The following KCNH8 variants were observed in gnomAD, a reference collection of about 807,000 sequenced individuals.
KCNH8 encodes voltage-gated delayed rectifier potassium channel KCNH8.
A neutral mutation model predicts 103.6 loss-of-function variants in KCNH8; 70 were observed. That is an observed-to-expected ratio of 0.68 (90% confidence interval 0.56 to 0.82). The LOEUF is 0.82. Ranked by LOEUF, KCNH8 falls within the 40% of genes least tolerant of loss-of-function variation. The probability of loss-of-function intolerance (pLI) is 0.00; values close to 1 mark genes in which losing one functional copy is unlikely to be tolerated. For synonymous variants in KCNH8, 498 were observed against 489.4 expected (o/e 1.02, Z -0.23); for missense variants, 1,217 against 1,329.9 (o/e 0.92, Z 1.32).
At chr3:19,299,311 C>T (rs557835901) in intron 3 of KCNH8, among the ~76,000 whole-genome samples, 3 of 151,858 alleles carry the variant, frequency 2.0e-5, no homozygotes, top group East Asian at 3.9e-4. Flanking sequence ...TCTGGCCAGA[C>T]ACAGTGTCTG....
intron 3 of KCNH8, among the ~76,000 whole-genome samples, chr3:19,294,320 C>T (rs566373313): frequency 2.6e-5 from 4 of 152,216 alleles, no homozygotes; most frequent in South Asian, 2.1e-4. Flanking sequence ...ATATGTACTT[C>T]GAATATTTTA....
At chr3:19,321,336 T>C (rs186679132) in intron 3 of KCNH8, among the ~76,000 whole-genome samples, 284 of 152,196 alleles carry the variant, frequency 1.9e-3, no homozygotes, top group African/African-American at 6.4e-3. Flanking sequence ...TGAACTTTTC[T>C]CTTAGCACTG....
chr3:19,192,909 G>T (rs547846231), intron 1 of KCNH8, among the ~76,000 whole-genome samples: 2 of 151,534 alleles, frequency 1.3e-5, no homozygotes, highest in Non-Finnish European at 3.0e-5. Context: ...TTTAGAAAAG[G>T]TCTACAAACT....
chr3:19,230,077 C>G (rs913689262), intron 1 of KCNH8, among the ~76,000 whole-genome samples: 3 of 152,028 alleles, frequency 2.0e-5, no homozygotes, highest in African/African-American at 4.8e-5. Context: ...GAGGAAGTTG[C>G]AAAAGGGGAA....
intron 7 of KCNH8, among the ~76,000 whole-genome samples, chr3:19,418,531 C>T (rs1360651476): frequency 2.0e-5 from 3 of 152,108 alleles, no homozygotes; most frequent in Admixed American, 2.0e-4. Context: ...AACTTGAAAA[C>T]ATCGTATAAA....
At chr3:19,290,439 G>T (rs1329692808) in intron 3 of KCNH8, among the ~76,000 whole-genome samples, 1 of 152,124 alleles carries the variant, frequency 6.6e-6, no homozygotes, top group Non-Finnish European at 1.5e-5. Flanking sequence ...CTAATTTATT[G>T]AAAGTTTTTA....
chr3:19,481,878 AGACATTCTGTTCTTAACTT>A (rs1298608010), intron 11 of KCNH8, among the ~76,000 whole-genome samples: 2 of 152,208 alleles, frequency 1.3e-5, no homozygotes, highest in Admixed American at 6.5e-5. Context: ...GGCCTGTGAC[AGACATTCTGTTCTTAACTT>A]GATGGATGAA....
At chr3:19,239,990 G>C (rs982943784) in intron 1 of KCNH8, among the ~76,000 whole-genome samples, 3 of 151,986 alleles carry the variant, frequency 2.0e-5, no homozygotes, top group African/African-American at 7.2e-5. Flanking sequence ...CCCAGTGTTC[G>C]TGGACTCAAA....
chr3:19,261,761 T>G (rs1477787427), intron 2 of KCNH8, among the ~76,000 whole-genome samples: 1 of 151,912 alleles, frequency 6.6e-6, no homozygotes, highest in East Asian at 1.9e-4. Context: ...TTTTTTTTAT[T>G]GATTTTCAGT....
intron 1 of KCNH8, among the ~76,000 whole-genome samples, chr3:19,252,217 A>G (rs962897626): frequency 7.9e-5 from 12 of 152,218 alleles, no homozygotes; most frequent in African/African-American, 2.6e-4. Context: ...TTAAATCTCA[A>G]AAAATTTATC....
intron 5 of KCNH8, among the ~76,000 whole-genome samples, chr3:19,385,883 A>G (rs537443267): frequency 6.6e-6 from 1 of 152,306 alleles, no homozygotes; most frequent in South Asian, 2.1e-4. Flanking sequence ...ATTACTTTTT[A>G]AAGAAATGGC....
chr3:19,456,097 C>CA (rs1211020857), intron 10 of KCNH8, among the ~76,000 whole-genome samples: 8 of 151,930 alleles, frequency 5.3e-5, no homozygotes, highest in Non-Finnish European at 8.8e-5. Flanking sequence ...TCTTCCACAC[C>CA]ATGTGGCTAT....
intron 3 of KCNH8, among the ~76,000 whole-genome samples, chr3:19,301,439 A>G (rs1218800560): frequency 6.6e-6 from 1 of 151,212 alleles, no homozygotes; most frequent in East Asian, 1.9e-4. Context: ...AATTAGAAAT[A>G]TAAAGAAAAA....
chr3:19,384,827 G>A (rs925594661), intron 5 of KCNH8, among the ~76,000 whole-genome samples: 7 of 152,034 alleles, frequency 4.6e-5, no homozygotes, highest in African/African-American at 1.4e-4. Context: ...TTTCTTTATT[G>A]TATTAAAGAC....
At chr3:19,487,517 T>A (rs2068235364) in intron 11 of KCNH8, among the ~76,000 whole-genome samples, 1 of 152,148 alleles carries the variant, frequency 6.6e-6, no homozygotes, top group South Asian at 2.1e-4. Context: ...CAAGAGCTTC[T>A]CTGGGAACCG....
chr3:19,456,431 A>C (rs1362913787), intron 10 of KCNH8, among the ~76,000 whole-genome samples: 3 of 152,086 alleles, frequency 2.0e-5, no homozygotes, highest in African/African-American at 7.2e-5. Flanking sequence ...GTACAATAAA[A>C]AATTTAAAAG....
In KCNH8 at chr3:19,148,564, C is replaced by G. The variant is rs754275753; in HGVS notation, c.-156C>G. The G allele has an allele frequency of 9.9e-6, 7 of 707,996 alleles. No individual in the cohort carries two copies. The highest frequency in any genetic ancestry group is 1.8e-5 in the Non-Finnish European group (7 of 395,880). The allele number at this position is 707,996 out of a possible 1,614,324, so 43.9% of individuals were successfully genotyped here. A position where few individuals can be genotyped will look rare whatever the true frequency, so the allele number is the denominator to read the frequency against. Reference sequence around the variant, plus strand: ...GGCGGCTGGAACTCTCTCCCTTTCTCCCTCCATCCTTCCACTTCCCCTGCT... The same window carrying G: ...GGCGGCTGGAACTCTCTCCCTTTCTGCCTCCATCCTTCCACTTCCCCTGCT... On this transcript the variant is annotated 5_prime_UTR_variant, in exon 1 of 16. Coordinates refer to ENST00000328405, the MANE Select transcript of KCNH8 (RefSeq NM_144633.3).
intron 7 of KCNH8, among the ~76,000 whole-genome samples, chr3:19,400,230 G>GAAA (rs2066590534): frequency 8.3e-5 from 1 of 12,010 alleles, no homozygotes; most frequent in South Asian, 1.5e-3. Context: ...ATGTTAGCCA[G>GAAA]CAAAAAAAAA....
At chr3:19,278,199 G>A (rs901560270) in intron 2 of KCNH8, among the ~76,000 whole-genome samples, 2 of 152,212 alleles carry the variant, frequency 1.3e-5, no homozygotes, top group Non-Finnish European at 2.9e-5. Flanking sequence ...AAGGATAAGC[G>A]AGCATGCTAA....
Sources: allele counts gnomAD v4.1 joint callset (sites outside exome capture counted in the v4.1 genomes callset), GRCh38; gene constraint gnomAD v4.1.1; transcripts MANE v1.5; gene names NCBI Gene and HGNC (gene_info 2026-07-23, HGNC 2026-07-21).